The following RFC1 variants were observed in gnomAD, a reference collection of about 807,000 sequenced individuals.
RFC1 encodes the protein replication factor C subunit 1.
RFC1 carries 37 observed loss-of-function variants against 137.4 expected under a neutral mutation model. That is an observed-to-expected ratio of 0.27 (90% CI 0.21 to 0.35). The LOEUF is 0.35. RFC1 is among the 10% of genes least tolerant of loss of function. The pLI is 1.00. For missense variants in RFC1, 1,205 were observed against 1,358.5 expected (o/e 0.89, Z 1.78); for synonymous variants, 429 against 455.7 (o/e 0.94, Z 0.75).
intron 22 of RFC1, among the ~76,000 whole-genome samples, chr4:39,294,681 AAAAAG>A (rs1578102080): frequency 1.3e-5 from 2 of 151,774 alleles, no homozygotes; most frequent in South Asian, 2.1e-4. Context: ...ATAAAAAAAA[AAAAAG>A]AAAAGAAAAG....
At chr4:39,358,045 C>A (rs548038997) in intron 1 of RFC1, among the ~76,000 whole-genome samples, 1 of 152,072 alleles carries the variant, frequency 6.6e-6, no homozygotes, top group Admixed American at 6.5e-5. Context: ...GAGGCCAAGG[C>A]GGGTGGATCA....
In RFC1 at chr4:39,287,828, G is replaced by C. The variant is rs1426491849; in HGVS notation, c.*933C>G. Reference sequence around the variant, plus strand: ...TCTCTCAGGGGCAAAGTGAACAAAAGCCAGTGTTCATTTTGTCCCCCACCA... The same window carrying C: ...TCTCTCAGGGGCAAAGTGAACAAAACCCAGTGTTCATTTTGTCCCCCACCA... On this transcript the variant is annotated 3_prime_UTR_variant, in exon 25 of 25. Transcript: ENST00000349703. 6.6e-6 allele frequency: 1 copy of C among 152,224 alleles called. No homozygotes were observed. Among genetic ancestry groups the C allele is most frequent in the Non-Finnish European group, 1.5e-5 (1 of 68,056 alleles). The allele number at this position is 152,224 out of a possible 1,614,324, so 9.4% of individuals were successfully genotyped here. A position where few individuals can be genotyped will look rare whatever the true frequency, so the allele number is the denominator to read the frequency against.
chr4:39,357,593 T>C (rs1233239868), intron 1 of RFC1, among the ~76,000 whole-genome samples: 2 of 152,066 alleles, frequency 1.3e-5, no homozygotes, highest in Non-Finnish European at 2.9e-5. Flanking sequence ...CCGATTATGG[T>C]TTTTATTCAT....
At chr4:39,336,339 T>A (rs1187559164) in intron 4 of RFC1, among the ~76,000 whole-genome samples, 1 of 152,056 alleles carries the variant, frequency 6.6e-6, no homozygotes, top group East Asian at 1.9e-4. Flanking sequence ...ACCACAGAAC[T>A]ACAGAAGACA....
chr4:39,312,559 T>C (rs1739008646), intron 11 of RFC1, among the ~76,000 whole-genome samples, 193 bp downstream of exon 11: 1 of 152,208 alleles, frequency 6.6e-6, no homozygotes. Context: ...AAACAGGAAC[T>C]ATGCCTTCCA....
chr4:39,307,938 A>G (rs891841505), intron 13 of RFC1, among the ~76,000 whole-genome samples: 10 of 152,202 alleles, frequency 6.6e-5, no homozygotes, highest in African/African-American at 2.2e-4. Flanking sequence ...TGAAAACACT[A>G]CTAAAACATT....
Position 39,291,670 on chromosome 4 carries a change from T to G in RFC1, c.3137A>C (p.Lys1046Thr), listed in dbSNP as rs1737683540. ...NIMEISSWGG[K>T]PSPFSKLDPK... The stretch of plus-strand genomic sequence containing the variant: ...ATCCAGCTTTGAAAAGGGACTAGGT[T>G]TGCCACCCCAGCTGCTGATTTCCAT... Residue 1046 changes from lysine to threonine, a missense_variant, in exon 23 of 25, where the codon AAA becomes ACA. Physicochemically the swap from Lys to Thr is moderately conservative, Grantham distance 78 (BLOSUM62 -1). Around this residue, in one of 3 missense-constraint regions of RFC1, gnomAD observed 237 missense variants for 304.2 expected, o/e 0.78. Coordinates refer to ENST00000349703, the MANE Select transcript of RFC1 (RefSeq NM_002913.5). 1 of 1,613,982 alleles carries G rather than the reference T, an allele frequency of 6.2e-7. No individual in the cohort carries two copies. Among genetic ancestry groups the G allele is most frequent in the Non-Finnish European group, 8.5e-7 (1 of 1,179,970 alleles).
At position 39,366,252 on chromosome 4, in the gene RFC1, G is replaced by C; in HGVS notation, c.-11C>G. 1.9e-6 allele frequency: 3 copies of C among 1,543,726 alleles called. No homozygotes were observed. The highest frequency in any genetic ancestry group is 3.4e-4 in the Middle Eastern group (2 of 5,910). On this transcript the variant is annotated 5_prime_UTR_variant, in exon 1 of 25. Coordinates refer to ENST00000349703, the MANE Select transcript of RFC1 (RefSeq NM_002913.5). ...CCAGCGGCTCACCATCGCAGCCCCA[G>C]GATGAAGGCGCTGGCTGGCTGGCGG... is the stretch of plus-strand genomic sequence containing the variant.
intron 12 of RFC1, among the ~76,000 whole-genome samples, chr4:39,310,287 A>T (rs1738902405): frequency 6.6e-6 from 1 of 152,214 alleles, no homozygotes. Flanking sequence ...AAGAAGACAC[A>T]ACTAAATGCA....
At chr4:39,316,761 A>C (rs575460102) in intron 10 of RFC1, 154 bp downstream of exon 10, 1 of 544,252 alleles carries the variant, frequency 1.8e-6, no homozygotes, top group East Asian at 3.1e-5. Flanking sequence ...CATAACATGA[A>C]TAAACATCCC....
intron 2 of RFC1, among the ~76,000 whole-genome samples, chr4:39,350,922 T>C (rs1741150714): frequency 6.6e-6 from 1 of 152,144 alleles, no homozygotes; most frequent in South Asian, 2.1e-4. Context: ...TATTAACATA[T>C]GTAGGTGTAA....
chr4:39,324,381 CA>C (rs1739660354), intron 6 of RFC1, among the ~76,000 whole-genome samples: 2 of 152,132 alleles, frequency 1.3e-5, no homozygotes, highest in South Asian at 4.1e-4. Flanking sequence ...GATTGTGATA[CA>C]AAGTACCACA....
chr4:39,309,882 G>A (rs1738882102), intron 12 of RFC1, among the ~76,000 whole-genome samples: 1 of 152,180 alleles, frequency 6.6e-6, no homozygotes, highest in Non-Finnish European at 1.5e-5. Flanking sequence ...ATTAGTGGAT[G>A]AATGTTTAAG....
intron 3 of RFC1, among the ~76,000 whole-genome samples, chr4:39,343,039 T>A (rs574153232): frequency 6.6e-6 from 1 of 152,350 alleles, no homozygotes; most frequent in Admixed American, 6.5e-5. Flanking sequence ...CTATTTTTTT[T>A]TCTTTTTTGA....
At chr4:39,331,500 T>C (rs1740098098) in intron 4 of RFC1, among the ~76,000 whole-genome samples, 1 of 152,084 alleles carries the variant, frequency 6.6e-6, no homozygotes, top group African/African-American at 2.4e-5. Context: ...AATGACCACG[T>C]AGGCAAAGAT....
chr4:39,306,117 C>T lies in RFC1; in HGVS notation c.1995+475G>A, dbSNP rs73238568. Among the ~76,000 whole-genome samples the T allele has an allele frequency of 1.3e-3, 193 of 152,290 alleles. 1 individual carries two copies. Among genetic ancestry groups the T allele is most frequent in the Middle Eastern group, 3.4e-3 (1 of 294 alleles). ...TCAGTAGCAATAGAGACAATAGGAA[C>T]GAAGGCAGGATCACACAGTGCTGAA... On this transcript the variant is annotated intron_variant, in intron 14 of 24. Coordinates refer to ENST00000349703, the MANE Select transcript of RFC1 (RefSeq NM_002913.5).
chr4:39,289,097 GAC>G (rs2109568482), intron 24 of RFC1, among the ~76,000 whole-genome samples: 1 of 152,306 alleles, frequency 6.6e-6, no homozygotes, highest in South Asian at 2.1e-4. Context: ...CCCCATGTAA[GAC>G]AGTTTCTTGG....
intron 15 of RFC1, 137 bp from the exon 16 acceptor site, chr4:39,303,288 T>G: frequency 5.3e-6 from 3 of 563,980 alleles, no homozygotes; most frequent in South Asian, 2.5e-5. Flanking sequence ...GACTACAGAG[T>G]GTTGTTAAAG....
chr4:39,313,194 T>C (rs1739054249), intron 10 of RFC1, among the ~76,000 whole-genome samples: 1 of 152,152 alleles, frequency 6.6e-6, no homozygotes, highest in Non-Finnish European at 1.5e-5. Context: ...GCTATTAAAA[T>C]TACCCATTCA....
Sources: gnomAD v4.1 joint callset for allele counts (sites outside exome capture counted in the v4.1 genomes callset) on GRCh38, gnomAD v4.1.1 for gene constraint, gnomAD v4.1.1 regional missense constraint, MANE v1.5 for transcripts, NCBI Gene and HGNC (gene_info 2026-07-23, HGNC 2026-07-21) for gene names.